The following ATXN1 variants were observed in gnomAD, a reference collection of about 807,000 sequenced individuals.
ATXN1 encodes the protein ataxin-1.
Under a neutral mutation model 56.4 loss-of-function variants are expected in ATXN1, and 8 were observed. That is an observed-to-expected ratio of 0.14 (90% confidence interval 0.08 to 0.26). ATXN1 has a LOEUF of 0.26. ATXN1 is among the 10% of genes least tolerant of loss of function. The probability of loss-of-function intolerance (pLI) is 1.00; values close to 1 mark genes in which losing one functional copy is unlikely to be tolerated. For synonymous variants in ATXN1, 514 were observed against 494.6 expected, an observed-to-expected ratio of 1.04 and a Z score of -0.52; for missense variants, 987 against 1,106.5, an observed-to-expected ratio of 0.89 and a Z score of 1.53.
At chr6:16,593,182 C>G (rs1762754318) in intron 3 of ATXN1, among the ~76,000 whole-genome samples, 2 of 152,206 alleles carry the variant, frequency 1.3e-5, no homozygotes, top group Non-Finnish European at 2.9e-5. Context: ...CAAGTCCCCA[C>G]TCGACCCAGG....
chr6:16,689,151 T>C (rs1204086209), intron 2 of ATXN1, among the ~76,000 whole-genome samples: 1 of 152,126 alleles, frequency 6.6e-6, no homozygotes, highest in Non-Finnish European at 1.5e-5. Context: ...ACATACTCTT[T>C]TGGATGGAGC....
rs1025159913 is a variant in ATXN1, at chr6:16,367,555, C to T, written c.-160-39085G>A. 3.9e-5 allele frequency among the ~76,000 whole-genome samples: 6 copies of T among 152,306 alleles called. No individual in the cohort carries two copies. In the South Asian group the frequency reaches 1.2e-3, roughly 32 times the overall value. On this transcript the variant is annotated intron_variant, in intron 6 of 7. Coordinates refer to ENST00000436367, the MANE Select transcript of ATXN1 (RefSeq NM_001128164.2). The stretch of plus-strand genomic sequence containing the variant: ...TGTATAGGTCAAATTTTCCCAGAAA[C>T]ATGCGATCACGGCTTTTTGAGCTCA...
chr6:16,646,564 G>C (rs574055132), intron 3 of ATXN1, among the ~76,000 whole-genome samples: 2 of 152,256 alleles, frequency 1.3e-5, no homozygotes, highest in South Asian at 4.1e-4. Flanking sequence ...CCTTAACCCT[G>C]GGCTCAAACT....
At chr6:16,663,515 C>T (rs769130934) in intron 2 of ATXN1, among the ~76,000 whole-genome samples, 1 of 152,202 alleles carries the variant, frequency 6.6e-6, no homozygotes, top group East Asian at 1.9e-4. Context: ...TCTCGCTGCA[C>T]TCCTGCCTCA....
chr6:16,577,731 C>T (rs1762450358), intron 4 of ATXN1, among the ~76,000 whole-genome samples: 1 of 152,056 alleles, frequency 6.6e-6, no homozygotes, highest in Admixed American at 6.5e-5. Flanking sequence ...GATATGACTG[C>T]TTCTCTAAGC....
intron 6 of ATXN1, among the ~76,000 whole-genome samples, chr6:16,449,743 CAT>C (rs1227667993): frequency 1.3e-5 from 2 of 152,148 alleles, no homozygotes; most frequent in African/African-American, 4.8e-5. Context: ...TAAAGGAAAA[CAT>C]ATCCTGAGCT....
intron 5 of ATXN1, among the ~76,000 whole-genome samples, chr6:16,501,153 A>AC (rs1451405849): frequency 1.3e-5 from 2 of 152,246 alleles, no homozygotes; most frequent in Non-Finnish European, 2.9e-5. Flanking sequence ...ACACAATCAC[A>AC]CACAAGGCTT....
In ATXN1 at chr6:16,301,562, C is replaced by T. The variant is rs1760100013; in HGVS notation, c.*4767G>A. 1 of 151,734 alleles carries T rather than the reference C, an allele frequency of 6.6e-6. No homozygotes were observed. The highest frequency in any genetic ancestry group is 1.5e-5 in the Non-Finnish European group (1 of 67,830). 9.4% of individuals were successfully genotyped at this position (151,734 alleles called of 1,614,324 possible). Reference sequence around the variant, plus strand: ...TATTTCAGAAATTCTGGGTTAAAAACAAATGTGGAAGCAAAGGCCTCCACG... The same window carrying T: ...TATTTCAGAAATTCTGGGTTAAAAATAAATGTGGAAGCAAAGGCCTCCACG... On this transcript the variant is annotated 3_prime_UTR_variant, in exon 8 of 8. Coordinates refer to ENST00000436367, the MANE Select transcript of ATXN1 (RefSeq NM_001128164.2).
intron 6 of ATXN1, among the ~76,000 whole-genome samples, chr6:16,457,567 G>A (rs191812113): frequency 4.9e-4 from 74 of 152,206 alleles, no homozygotes; most frequent in Admixed American, 1.2e-3. Context: ...CTCTAATAGG[G>A]AAAAATGGTC....
intron 2 of ATXN1, chr6:16,737,789 TAA>T (rs1269641096): frequency 6.6e-6 from 1 of 152,130 alleles, no homozygotes; most frequent in African/African-American, 2.4e-5. Context: ...GGTCAAGGTA[TAA>T]ACAATGAACA....
chr6:16,485,945 A>G (rs1424184041), intron 6 of ATXN1, 27 bp downstream of exon 6: 1 of 152,152 alleles, frequency 6.6e-6, no homozygotes, highest in Admixed American at 6.5e-5. Flanking sequence ...AAGCCACTAC[A>G]CATATTGTTC....
intron 6 of ATXN1, among the ~76,000 whole-genome samples, chr6:16,331,435 C>T (rs1760990058): frequency 1.3e-5 from 2 of 152,224 alleles, no homozygotes; most frequent in Admixed American, 1.3e-4. Context: ...AACGCTCCCA[C>T]ATTTCCATAC....
intron 6 of ATXN1, among the ~76,000 whole-genome samples, chr6:16,475,417 G>A (rs1286463436): frequency 6.6e-6 from 1 of 152,190 alleles, no homozygotes; most frequent in African/African-American, 2.4e-5. Flanking sequence ...TTTGTTGTGT[G>A]AAATTTATCA....
In ATXN1 at chr6:16,326,940, A is replaced by G. The variant is rs1465155171; in HGVS notation, c.1371T>C (p.Thr457=). ...TCAGGTAGCCGATGACAGGGGGTTG[A>G]GTCCCTGCGTAGAAGGCCGTGGCTG... ...GLPATAFYAG[T]QPPVIGYLSG... Residue 457 remains threonine, a synonymous_variant, in exon 7 of 8, where the codon ACT becomes ACC. Coordinates refer to ENST00000436367, the MANE Select transcript of ATXN1 (RefSeq NM_001128164.2). The surrounding 1 kb of genome is among the most constrained non-coding windows in gnomAD (Gnocchi z 6.6). The G allele has an allele frequency of 6.2e-7, 1 of 1,614,060 alleles. No individual in the cohort carries two copies. Among genetic ancestry groups the G allele is most frequent in the East Asian group, 2.2e-5 (1 of 44,880 alleles).
In ATXN1 at chr6:16,675,609, G is replaced by A. The variant is rs147005338; in HGVS notation, c.-614-17708C>T. Among the ~76,000 whole-genome samples, 279 of 152,168 alleles carry A rather than the reference G, an allele frequency of 1.8e-3. 1 individual carries two copies. The highest frequency in any genetic ancestry group is 6.0e-3 in the African/African-American group (250 of 41,518). On this transcript the variant is annotated intron_variant, in intron 2 of 7. Transcript: ENST00000436367. ...ATATTTAAAATTGGAGGCCAGGTGC[G>A]GTGGCTCACGCCTGTAATCCCAGCA...
chr6:16,571,330 A>G (rs1762327694), intron 4 of ATXN1, among the ~76,000 whole-genome samples: 1 of 152,176 alleles, frequency 6.6e-6, no homozygotes. Flanking sequence ...AAGTCAATAC[A>G]TTAGTTTAAA....
intron 6 of ATXN1, among the ~76,000 whole-genome samples, chr6:16,442,351 C>G (rs1002291544): frequency 6.6e-6 from 1 of 152,104 alleles, no homozygotes; most frequent in African/African-American, 2.4e-5. Flanking sequence ...GGCACTGATA[C>G]AAAGACTGGG....
chr6:16,373,848 T>C lies in ATXN1; in HGVS notation c.-160-45378A>G, dbSNP rs552881111. Among the ~76,000 whole-genome samples the C allele has an allele frequency of 4.2e-3, 635 of 152,308 alleles. 4 individuals carry two copies. The highest frequency in any genetic ancestry group is 6.0e-3 in the Non-Finnish European group (411 of 68,028). ...TACCTAGGCTTGGGTATGTCTTTAT[T>C]AGCAGCATGAAAACAGACTAATACA... On this transcript the variant is annotated intron_variant, in intron 6 of 7. Transcript: ENST00000436367.
intron 4 of ATXN1, among the ~76,000 whole-genome samples, chr6:16,585,159 A>C (rs531091762): frequency 4.1e-4 from 62 of 152,168 alleles, no homozygotes; most frequent in Middle Eastern, 3.5e-3. Flanking sequence ...AGGTGGGAGG[A>C]TCACTTGAGC....
Sources: gnomAD v4.1 joint callset for allele counts (sites outside exome capture counted in the v4.1 genomes callset) on GRCh38, gnomAD v4.1.1 for gene constraint, Gnocchi (gnomAD v3.1) non-coding constraint, MANE v1.5 for transcripts, NCBI Gene and HGNC (gene_info 2026-07-23, HGNC 2026-07-21) for gene names.